Variants in VAV3 observed in about 807,000 individuals in gnomAD.
The protein encoded by VAV3 is vav guanine nucleotide exchange factor 3, also known as guanine nucleotide exchange factor VAV3.
A neutral mutation model predicts 131.2 loss-of-function variants in VAV3; 94 were observed. That is an observed-to-expected ratio of 0.72 (90% CI 0.61 to 0.85). The LOEUF is 0.85. VAV3 is among the 40% of genes least tolerant of loss of function. The probability of loss-of-function intolerance (pLI) is 0.00; values close to 1 mark genes in which losing one functional copy is unlikely to be tolerated. For synonymous variants in VAV3, 349 were observed against 342.0 expected, an observed-to-expected ratio of 1.02 and a Z score of -0.22; for missense variants, 939 against 1,002.7, an observed-to-expected ratio of 0.94 and a Z score of 0.86.
At chr1:107,659,418 C>T (rs573340122) in intron 19 of VAV3, among the ~76,000 whole-genome samples, 1 of 152,192 alleles carries the variant, frequency 6.6e-6, no homozygotes, top group African/African-American at 2.4e-5. Context: ...TTAAAAATAA[C>T]TACTTACATT....
intron 1 of VAV3, among the ~76,000 whole-genome samples, chr1:107,915,244 A>T (rs1672552011): frequency 6.6e-6 from 1 of 152,222 alleles, no homozygotes; most frequent in African/African-American, 2.4e-5. Flanking sequence ...AAGAGTCTCA[A>T]AGAAAATAAG....
At chr1:107,831,985 C>A (rs1181183325) in intron 2 of VAV3, among the ~76,000 whole-genome samples, 4 of 152,188 alleles carry the variant, frequency 2.6e-5, no homozygotes, top group Non-Finnish European at 5.9e-5. Context: ...ATCTATTCAA[C>A]CCATAAGAAC....
intron 17 of VAV3, among the ~76,000 whole-genome samples, chr1:107,688,747 A>C (rs1165924420): frequency 6.6e-6 from 1 of 152,234 alleles, no homozygotes; most frequent in East Asian, 1.9e-4. Flanking sequence ...AGCTAAATGC[A>C]ACCTTTCTTT....
At position 107,596,267 on chromosome 1, in the gene VAV3, T is replaced by C. The variant is rs1651374487; in HGVS notation, c.2295A>G (p.Pro765=). 1.9e-6 allele frequency: 3 copies of C among 1,613,594 alleles called. No individual in the cohort carries two copies. Among genetic ancestry groups the C allele is most frequent in the Admixed American group, 3.3e-5 (2 of 59,988 alleles). ...CAGCTGAATGTTCTGGCTCCTTGTA[T>C]GGAAACTGCAGAGTTGTATCTAAGG... ...FRTLDTTLQF[P]YKEPEHSAGQ... The change falls in exon 25 of 27, where the codon CCA becomes CCG. Residue 765 remains proline (P), a synonymous_variant. Coordinates refer to ENST00000370056, the MANE Select transcript of VAV3 (RefSeq NM_006113.5).
intron 2 of VAV3, among the ~76,000 whole-genome samples, chr1:107,802,883 G>GTTT (rs200786279): frequency 9.1e-5 from 13 of 142,390 alleles, no homozygotes; most frequent in Non-Finnish European, 1.5e-4. Context: ...TTCCTCTTCA[G>GTTT]TTTTTTTTTT....
chr1:107,771,543 G>A (rs931983005), intron 5 of VAV3, among the ~76,000 whole-genome samples: 3 of 152,152 alleles, frequency 2.0e-5, no homozygotes, highest in Non-Finnish European at 4.4e-5. Context: ...GCGAGCTACC[G>A]CGCCCGGCCT....
chr1:107,671,987 A>C (rs1657834698), intron 19 of VAV3, among the ~76,000 whole-genome samples: 1 of 152,188 alleles, frequency 6.6e-6, no homozygotes, highest in Admixed American at 6.5e-5. Flanking sequence ...ATAAATTTAG[A>C]CTGGGTGCAG....
chr1:107,761,506 C>T (rs955505976), intron 9 of VAV3, among the ~76,000 whole-genome samples: 1 of 152,106 alleles, frequency 6.6e-6, no homozygotes, highest in Admixed American at 6.5e-5. Flanking sequence ...CCACCAATTT[C>T]CCCCAGTGGA....
intron 19 of VAV3, among the ~76,000 whole-genome samples, chr1:107,644,526 A>T (rs1044093061): frequency 1.3e-5 from 2 of 152,134 alleles, no homozygotes; most frequent in African/African-American, 4.8e-5. Flanking sequence ...TGTGGTCTCA[A>T]ATACTGGGGC....
chr1:107,796,104 A>T (rs1213293046), intron 2 of VAV3, among the ~76,000 whole-genome samples: 1 of 152,076 alleles, frequency 6.6e-6, no homozygotes, highest in Admixed American at 6.6e-5. Context: ...AGTATCAAAC[A>T]GTATAACAAA....
At position 107,875,010 on chromosome 1, in the gene VAV3, C is replaced by G; in HGVS notation, c.212G>C (p.Cys71Ser). 1 of 1,612,700 alleles carries G rather than the reference C, an allele frequency of 6.2e-7. No individual in the cohort carries two copies. The highest frequency in any genetic ancestry group is 8.5e-7 in the Non-Finnish European group (1 of 1,179,006). ...GAGAAATGTCCTTATGTTCTTCAAA[C>G]AGAGAAACTGAGGAATGGAAAAGAG... is the stretch of plus-strand genomic sequence containing the variant. Reference protein sequence around the residue: ...NLRPQMSQFLCLKNIRTFLTA... With the variant: ...NLRPQMSQFLSLKNIRTFLTA... Residue 71 changes from cysteine to serine, a missense_variant, in exon 2 of 27, where the codon TGT (cysteine) becomes TCT (serine). By Grantham distance (112) the Cys-to-Ser change is moderately radical (BLOSUM62 -1). Coordinates refer to ENST00000370056, the MANE Select transcript of VAV3 (RefSeq NM_006113.5).
intron 12 of VAV3, 87 bp from the exon 13 acceptor site, chr1:107,751,289 C>A: frequency 9.6e-7 from 1 of 1,040,530 alleles, no homozygotes; most frequent in Non-Finnish European, 1.4e-6. Context: ...CTCAAGACAA[C>A]TACCTTATTA....
intron 1 of VAV3, among the ~76,000 whole-genome samples, chr1:107,899,284 T>C (rs1380246904): frequency 6.6e-6 from 1 of 152,050 alleles, no homozygotes; most frequent in Non-Finnish European, 1.5e-5. Flanking sequence ...GATATATTAA[T>C]AAAAAAATGT....
intron 20 of VAV3, among the ~76,000 whole-genome samples, chr1:107,621,293 A>C (rs1653583615): frequency 1.3e-5 from 2 of 152,136 alleles, no homozygotes; most frequent in African/African-American, 4.8e-5. Flanking sequence ...ATTTTAACGT[A>C]TGAATAAAGT....
chr1:107,865,080 T>C (rs964368328), intron 2 of VAV3, among the ~76,000 whole-genome samples: 1 of 152,192 alleles, frequency 6.6e-6, no homozygotes, highest in African/African-American at 2.4e-5. Context: ...ATCAGGGCCA[T>C]TTTACAGATC....
chr1:107,576,520 T>C, intron 25 of VAV3: 2 of 1,452,862 alleles, frequency 1.4e-6, no homozygotes, highest in Non-Finnish European at 1.8e-6. Flanking sequence ...AGCATTTAGG[T>C]ATTGGCAAAA....
At chr1:107,596,411 C>G in intron 24 of VAV3, 70 bp from the exon 25 acceptor site, 1 of 1,534,284 alleles carries the variant, frequency 6.5e-7, no homozygotes, top group Non-Finnish European at 8.9e-7. Context: ...AACTCCTGAG[C>G]ACATAAATAC....
intron 1 of VAV3, among the ~76,000 whole-genome samples, chr1:107,875,424 G>A (rs1163912487): frequency 6.6e-6 from 1 of 152,120 alleles, no homozygotes; most frequent in African/African-American, 2.4e-5. Context: ...ACAGAGAAGA[G>A]GATGGTGGAG....
At chr1:107,813,883 G>A (rs76964864) in intron 2 of VAV3, among the ~76,000 whole-genome samples, 5,086 of 151,662 alleles carry the variant, frequency 0.034, 185 homozygotes, top group African/African-American at 0.09. Flanking sequence ...CTGAGTTATT[G>A]CACTTAACAT....
Sources: gnomAD v4.1 joint callset for allele counts (sites outside exome capture counted in the v4.1 genomes callset) on GRCh38, gnomAD v4.1.1 for gene constraint, MANE v1.5 for transcripts, NCBI Gene and HGNC (gene_info 2026-07-23, HGNC 2026-07-21) for gene names.